Variants in TRHDE observed in about 807,000 individuals in gnomAD.
TRHDE encodes the protein thyrotropin-releasing hormone-degrading ectoenzyme.
TRHDE carries 72 observed loss-of-function variants against 125.7 expected under a neutral mutation model. The observed-to-expected ratio is 0.57, with a 90% CI of 0.47 to 0.70. The LOEUF is 0.70. Among genes scored for constraint, TRHDE ranks in the 30% least tolerant of loss-of-function variants. TRHDE has a pLI of 0.00. For synonymous variants in TRHDE, 509 were observed against 509.1 expected (o/e 1.00, Z 0.00); for missense variants, 1,110 against 1,327.1 (o/e 0.84, Z 2.54).
intron 2 of TRHDE, among the ~76,000 whole-genome samples, chr12:72,341,134 T>C (rs1870065782): frequency 6.8e-6 from 1 of 147,916 alleles, no homozygotes; most frequent in Non-Finnish European, 1.5e-5. Context: ...TTCCTTCAGT[T>C]TTTTTTTTTT....
chr12:72,327,982 C>T (rs1869417022), intron 2 of TRHDE, among the ~76,000 whole-genome samples: 1 of 152,080 alleles, frequency 6.6e-6, no homozygotes, highest in Non-Finnish European at 1.5e-5. Context: ...CATTGCTTGG[C>T]TTTTGTCTAA....
Position 72,157,976 on chromosome 12 carries a change from A to T in TRHDE, n.279+52224A>T, listed in dbSNP as rs187703620. On this transcript the variant is annotated intron_variant and non_coding_transcript_variant, in intron 2 of 4. Coordinates refer to the TRHDE transcript ENST00000548156. ...AGGTGAGAAAGGTGTGGCATCTCAA[A>T]AACTAAACTGAGTATTTGAGGGAAA... Among the ~76,000 whole-genome samples the T allele has an allele frequency of 5.6e-4, 86 of 152,304 alleles. 1 individual carries two copies. The highest frequency in any genetic ancestry group is 1.9e-3 in the African/African-American group (80 of 41,578).
chr12:72,580,911 A>G (rs988972383), intron 12 of TRHDE, among the ~76,000 whole-genome samples: 1 of 152,246 alleles, frequency 6.6e-6, no homozygotes, highest in African/African-American at 2.4e-5. Context: ...ATAAAATGTT[A>G]TGAAAGCATT....
intron 5 of TRHDE, among the ~76,000 whole-genome samples, chr12:72,481,560 C>CT (rs145153780): frequency 0.05 from 6,675 of 134,014 alleles, 384 homozygotes; most frequent in African/African-American, 0.14. Context: ...TCTCTACAGT[C>CT]TTTTTTTTTT....
At chr12:72,437,933 C>T (rs1223908454) in intron 3 of TRHDE, among the ~76,000 whole-genome samples, 2 of 151,712 alleles carry the variant, frequency 1.3e-5, no homozygotes, top group Non-Finnish European at 3.0e-5. Flanking sequence ...CAACCCACCC[C>T]AATCACCCCA....
intron 6 of TRHDE, among the ~76,000 whole-genome samples, chr12:72,521,377 G>A (rs1879185920): frequency 6.6e-6 from 1 of 152,166 alleles, no homozygotes; most frequent in Non-Finnish European, 1.5e-5. Context: ...AAGGAGCTCA[G>A]AAAAGCGCTA....
chr12:72,490,766 A>C (rs1877634894), intron 5 of TRHDE, among the ~76,000 whole-genome samples: 1 of 151,496 alleles, frequency 6.6e-6, no homozygotes, highest in Non-Finnish European at 1.5e-5. Flanking sequence ...TAAAAAAAAA[A>C]AAAAAACAAC....
chr12:72,634,454 T>G (rs539762599), intron 15 of TRHDE, among the ~76,000 whole-genome samples: 87 of 152,074 alleles, frequency 5.7e-4, no homozygotes, highest in Non-Finnish European at 1.2e-3. Flanking sequence ...TGCATGAGTT[T>G]TAATTGGATG....
rs1244397541 is a variant in TRHDE, at chr12:72,272,762, C to T, written c.119C>T (p.Ser40Leu). The T allele has an allele frequency of 2.0e-6, 3 of 1,537,132 alleles. No individual in the cohort carries two copies. Among genetic ancestry groups the T allele is most frequent in the Non-Finnish European group, 2.6e-6 (3 of 1,143,688 alleles). ...GAGGAGGGGGCCGAGAAGAGCAGCT[C>T]ACCCTTCGCAGCCGCGATGGGGGAA... ...EEEEGAEKSS[S>L]PFAAAMGEDD... Residue 40 changes from serine to leucine, a missense_variant, in exon 1 of 19, where the codon TCA (serine) becomes TTA (leucine). By Grantham distance (145) the Ser-to-Leu change is moderately radical. Coordinates refer to ENST00000261180, the MANE Select transcript of TRHDE (RefSeq NM_013381.3). This position sits in a 1 kb window ranked among gnomAD's most constrained non-coding sequence, Gnocchi z 6.7.
chr12:72,650,424 GT>G (rs1250794820), intron 15 of TRHDE, among the ~76,000 whole-genome samples: 1 of 152,092 alleles, frequency 6.6e-6, no homozygotes, highest in Non-Finnish European at 1.5e-5. Flanking sequence ...TGGCACTCAA[GT>G]GCCTTCCAGG....
chr12:72,464,040 G>C (rs1488726045), intron 3 of TRHDE, among the ~76,000 whole-genome samples: 1 of 152,132 alleles, frequency 6.6e-6, no homozygotes, highest in African/African-American at 2.4e-5. Context: ...AAGCTGCAAG[G>C]CTTTCTTAAC....
intron 7 of TRHDE, among the ~76,000 whole-genome samples, chr12:72,553,347 C>CT (rs961093220): frequency 2.0e-5 from 3 of 152,042 alleles, no homozygotes; most frequent in African/African-American, 7.2e-5. Flanking sequence ...AAAGATGAGG[C>CT]TTTTTTCTAG....
intron 2 of TRHDE, among the ~76,000 whole-genome samples, chr12:72,341,132 G>GTT (rs386376946): frequency 0.12 from 17,843 of 144,560 alleles, 1,604 homozygotes; most frequent in East Asian, 0.46. Flanking sequence ...CTTTCCTTCA[G>GTT]TTTTTTTTTT....
At chr12:72,338,351 G>T (rs897006346) in intron 2 of TRHDE, among the ~76,000 whole-genome samples, 4 of 152,158 alleles carry the variant, frequency 2.6e-5, no homozygotes, top group African/African-American at 4.8e-5. Context: ...GATCTTAATT[G>T]GTATTTTCTA....
At chr12:72,638,489 A>C (rs929074653) in intron 15 of TRHDE, among the ~76,000 whole-genome samples, 2 of 150,984 alleles carry the variant, frequency 1.3e-5, no homozygotes, top group Admixed American at 6.6e-5. Context: ...TAATTGGAGC[A>C]TTTAGTCCAT....
chr12:72,378,911 G>C (rs1253487086), intron 3 of TRHDE, among the ~76,000 whole-genome samples: 1 of 152,180 alleles, frequency 6.6e-6, no homozygotes, highest in African/African-American at 2.4e-5. Context: ...AGTTAAAAGA[G>C]TACCTACATG....
chr12:72,473,233 A>G, intron 5 of TRHDE, 53 bp downstream of exon 5: 1 of 1,382,248 alleles, frequency 7.2e-7, no homozygotes, highest in South Asian at 1.2e-5. Flanking sequence ...ATCTAGTGTT[A>G]CATTAGGCTT....
chr12:72,344,526 A>G (rs911700039), intron 2 of TRHDE, among the ~76,000 whole-genome samples: 2 of 152,140 alleles, frequency 1.3e-5, no homozygotes, highest in Non-Finnish European at 2.9e-5. Flanking sequence ...TCATTATTTT[A>G]AACTGCTGAG....
intron 2 of TRHDE, among the ~76,000 whole-genome samples, chr12:72,298,197 G>C (rs968257209): frequency 6.6e-6 from 1 of 152,220 alleles, no homozygotes; most frequent in South Asian, 2.1e-4. Context: ...AGTTTGGTCA[G>C]TGTATCCATG....
Sources: gnomAD v4.1 joint callset for allele counts (sites outside exome capture counted in the v4.1 genomes callset) on GRCh38, gnomAD v4.1.1 for gene constraint, Gnocchi (gnomAD v3.1) non-coding constraint, MANE v1.5 for transcripts, NCBI Gene and HGNC (gene_info 2026-07-23, HGNC 2026-07-21) for gene names.